The following CAPZB variants were observed in gnomAD, a reference collection of about 807,000 sequenced individuals.
CAPZB encodes capping actin protein of muscle Z-line subunit beta, also known as F-actin-capping protein subunit beta.
CAPZB carries 2 observed loss-of-function variants against 38.1 expected under a neutral mutation model. That is an observed-to-expected ratio of 0.05 (90% CI 0.02 to 0.17). The LOEUF (loss-of-function observed/expected upper bound fraction) is 0.17. CAPZB is among the 10% of genes least tolerant of loss of function. The pLI, the probability that CAPZB is intolerant of heterozygous loss-of-function variation, is 1.00. For missense variants in CAPZB, 161 were observed against 334.2 expected, an observed-to-expected ratio of 0.48 and a Z score of 4.04; for synonymous variants, 107 against 127.4, an observed-to-expected ratio of 0.84 and a Z score of 1.08.
Position 19,448,853 on chromosome 1 carries a change from C to T in CAPZB, c.4-29103G>A, listed in dbSNP as rs376257349. ...TGTCACCTTTCTAGGTTCTGGGTCACATCTTCTGGGCTGGCCAAGGCCTGG... is the reference window on the plus strand; with the variant it reads ...TGTCACCTTTCTAGGTTCTGGGTCATATCTTCTGGGCTGGCCAAGGCCTGG... On this transcript the variant is annotated intron_variant, in intron 1 of 8. Transcript: ENST00000264202. 90 of 1,612,910 alleles carry T rather than the reference C, an allele frequency of 5.6e-5. No individual in the cohort carries two copies. In the African/African-American group the frequency reaches 1.1e-3, roughly 20 times the overall value.
chr1:19,407,443 G>C (rs1345488002), intron 2 of CAPZB, among the ~76,000 whole-genome samples: 1 of 152,180 alleles, frequency 6.6e-6, no homozygotes, highest in African/African-American at 2.4e-5. Flanking sequence ...CTGGGGAAAA[G>C]GGTACCTGGG....
chr1:19,408,477 C>A (rs2094343094), intron 2 of CAPZB, among the ~76,000 whole-genome samples: 1 of 150,794 alleles, frequency 6.6e-6, no homozygotes, highest in African/African-American at 2.4e-5. Flanking sequence ...CTCTAGTGAG[C>A]CACCCAGGGA....
chr1:19,425,600 TCACCTC>T (rs1209115766), intron 1 of CAPZB, among the ~76,000 whole-genome samples: 1 of 152,250 alleles, frequency 6.6e-6, no homozygotes, highest in African/African-American at 2.4e-5. Context: ...AAGAAATATT[TCACCTC>T]CTGTTTTCAC....
At chr1:19,417,020 C>G (rs2094382960) in intron 2 of CAPZB, among the ~76,000 whole-genome samples, 1 of 152,120 alleles carries the variant, frequency 6.6e-6, no homozygotes, top group Non-Finnish European at 1.5e-5. Context: ...CTCTCATTAT[C>G]TGGCTATGGC....
intron 4 of CAPZB, among the ~76,000 whole-genome samples, chr1:19,373,559 G>A (rs976354786): frequency 6.6e-5 from 10 of 152,200 alleles, no homozygotes; most frequent in Non-Finnish European, 4.4e-5. Context: ...AGCCTCTGGG[G>A]AGACGGTAAG....
rs147371062 is a variant in CAPZB at position 19,365,068 on chromosome 1, T to TC, written c.330-7506dup. Among the ~76,000 whole-genome samples, 731 of 152,312 alleles carry TC rather than the reference T, an allele frequency of 4.8e-3. 2 individuals carry two copies. The highest frequency in any genetic ancestry group is 0.026 in the South Asian group (124 of 4,830). ...CGCTATGCTCAGGCAGGTCTTGAAC[T>TC]CCTGGGCTCAAGTAATCTTCCCACC... On this transcript the variant is annotated intron_variant, in intron 4 of 8. Transcript: ENST00000264202.
chr1:19,482,313 G>C (rs991895574), intron 1 of CAPZB, among the ~76,000 whole-genome samples: 1 of 152,208 alleles, frequency 6.6e-6, no homozygotes, highest in Non-Finnish European at 1.5e-5. Context: ...ACAGACAAGA[G>C]GGATGTGAGT....
intron 1 of CAPZB, among the ~76,000 whole-genome samples, chr1:19,420,969 A>G (rs2094399069): frequency 6.6e-6 from 1 of 152,242 alleles, no homozygotes; most frequent in African/African-American, 2.4e-5. Flanking sequence ...AGATGAGACA[A>G]GAAATAAAGT....
At chr1:19,379,458 G>A (rs1418569162) in intron 3 of CAPZB, among the ~76,000 whole-genome samples, 2 of 152,178 alleles carry the variant, frequency 1.3e-5, no homozygotes, top group Non-Finnish European at 2.9e-5. Flanking sequence ...TTTGCTGGAG[G>A]CTCTACATAA....
At chr1:19,439,851 G>C (rs1341665614) in intron 1 of CAPZB, among the ~76,000 whole-genome samples, 2 of 152,180 alleles carry the variant, frequency 1.3e-5, no homozygotes, top group Non-Finnish European at 2.9e-5. Flanking sequence ...TCTTATTCCC[G>C]TGAGAGCAAC....
At chr1:19,459,564 G>A (rs2094544015) in intron 1 of CAPZB, among the ~76,000 whole-genome samples, 1 of 152,128 alleles carries the variant, frequency 6.6e-6, no homozygotes, top group African/African-American at 2.4e-5. Context: ...CGGGATAGGG[G>A]CTGGGAGAAA....
chr1:19,449,018 C>A, intron 1 of CAPZB: 1 of 1,536,928 alleles, frequency 6.5e-7, no homozygotes, highest in Non-Finnish European at 8.8e-7. Flanking sequence ...CCCCAGGCTG[C>A]TCGCTGCCCG....
intron 1 of CAPZB, among the ~76,000 whole-genome samples, chr1:19,471,639 C>T (rs1004450123): frequency 7.2e-5 from 11 of 151,996 alleles, no homozygotes; most frequent in Non-Finnish European, 2.9e-5. Context: ...TCAAGGTGGG[C>T]AGATCACAAG....
At chr1:19,419,416 G>C (rs1171596893) in intron 2 of CAPZB, among the ~76,000 whole-genome samples, 2 of 152,130 alleles carry the variant, frequency 1.3e-5, no homozygotes, top group East Asian at 1.9e-4. Context: ...GCTGGGGAGG[G>C]AGCAGACTGT....
At chr1:19,446,053 C>G (rs1177177679) in intron 1 of CAPZB, among the ~76,000 whole-genome samples, 1 of 152,166 alleles carries the variant, frequency 6.6e-6, no homozygotes, top group Non-Finnish European at 1.5e-5. Flanking sequence ...CAGAGAGGCT[C>G]AACAGATAAC....
chr1:19,456,279 A>T (rs774608350), intron 1 of CAPZB, among the ~76,000 whole-genome samples: 1 of 152,244 alleles, frequency 6.6e-6, no homozygotes, highest in African/African-American at 2.4e-5. Flanking sequence ...CATTGAAGAG[A>T]GAAGCAAGAG....
At chr1:19,382,138 A>G (rs538057127) in intron 3 of CAPZB, among the ~76,000 whole-genome samples, 1 of 152,290 alleles carries the variant, frequency 6.6e-6, no homozygotes, top group South Asian at 2.1e-4. Flanking sequence ...TAGACACAAG[A>G]GCCCATCTTT....
chr1:19,351,782 C>T (rs2093992921), intron 6 of CAPZB, among the ~76,000 whole-genome samples: 1 of 152,138 alleles, frequency 6.6e-6, no homozygotes. Context: ...GAAGGACAAA[C>T]CACAATCCAG....
intron 4 of CAPZB, among the ~76,000 whole-genome samples, chr1:19,360,069 G>T (rs2094044658): frequency 6.6e-6 from 1 of 152,196 alleles, no homozygotes; most frequent in African/African-American, 2.4e-5. Flanking sequence ...CCTGGAGAGG[G>T]ATGGACTGCC....
Sources: allele counts gnomAD v4.1 joint callset (sites outside exome capture counted in the v4.1 genomes callset), GRCh38; gene constraint gnomAD v4.1.1; transcripts MANE v1.5; gene names NCBI Gene and HGNC (gene_info 2026-07-23, HGNC 2026-07-21).